Variants in EPHA6 observed in about 807,000 individuals in gnomAD.
EPHA6 encodes the protein ephrin type-A receptor 6.
In EPHA6, 50 loss-of-function variants were observed where a neutral mutation model predicts 112.0. The observed-to-expected ratio is 0.45, with a 90% CI of 0.36 to 0.56. The LOEUF (loss-of-function observed/expected upper bound fraction) is 0.56. EPHA6 is among the 20% of genes least tolerant of loss of function. The probability of loss-of-function intolerance (pLI) is 0.00; values close to 1 mark genes in which losing one functional copy is unlikely to be tolerated. For missense variants in EPHA6, 1,280 were observed against 1,417.4 expected, an observed-to-expected ratio of 0.90 and a Z score of 1.56; for synonymous variants, 529 against 490.7, an observed-to-expected ratio of 1.08 and a Z score of -1.03.
At chr3:97,267,897 C>A (rs2079741763) in intron 5 of EPHA6, among the ~76,000 whole-genome samples, 1 of 152,034 alleles carries the variant, frequency 6.6e-6, no homozygotes. Context: ...AACCTTCTAC[C>A]AGTTAGCAAT....
intron 5 of EPHA6, among the ~76,000 whole-genome samples, chr3:97,250,643 T>C (rs1434872782): frequency 1.3e-5 from 2 of 152,210 alleles, no homozygotes; most frequent in Non-Finnish European, 2.9e-5. Context: ...ACATCCTACA[T>C]AATCTATAGC....
chr3:97,091,977 CACTTGCTT>C (rs2047080449), intron 3 of EPHA6, among the ~76,000 whole-genome samples: 1 of 151,112 alleles, frequency 6.6e-6, no homozygotes, highest in Admixed American at 6.6e-5. Context: ...TGATGAGGCC[CACTTGCTT>C]TCTGATGGGT....
intron 7 of EPHA6, 143 bp from the exon 8 acceptor site, chr3:97,475,209 A>G: frequency 1.6e-6 from 1 of 613,698 alleles, no homozygotes; most frequent in Non-Finnish European, 2.8e-6. Flanking sequence ...GGTTTGCTTC[A>G]TACGTGTCAA....
intron 1 of EPHA6, among the ~76,000 whole-genome samples, chr3:96,829,179 A>G (rs1186170496): frequency 2.0e-5 from 3 of 152,158 alleles, no homozygotes; most frequent in African/African-American, 7.2e-5. Context: ...ACTTTTGCTT[A>G]AAATATATGA....
chr3:97,672,055 T>C (rs2030901513), intron 14 of EPHA6, among the ~76,000 whole-genome samples: 1 of 152,174 alleles, frequency 6.6e-6, no homozygotes, highest in African/African-American at 2.4e-5. Context: ...TACTTTGTGC[T>C]TTCCAGATGA....
intron 3 of EPHA6, among the ~76,000 whole-genome samples, chr3:97,207,848 C>T (rs930687138): frequency 6.6e-6 from 1 of 152,118 alleles, no homozygotes; most frequent in Non-Finnish European, 1.5e-5. Flanking sequence ...CTCCTGCTTG[C>T]CATGAAAATT....
chr3:96,934,166 T>G (rs544122050), intron 2 of EPHA6, among the ~76,000 whole-genome samples: 1 of 152,084 alleles, frequency 6.6e-6, no homozygotes, highest in East Asian at 1.9e-4. Context: ...TACACATACT[T>G]AAGCCACAAA....
At chr3:97,065,215 C>T (rs1311026533) in intron 3 of EPHA6, among the ~76,000 whole-genome samples, 2 of 151,970 alleles carry the variant, frequency 1.3e-5, no homozygotes, top group African/African-American at 4.8e-5. Context: ...ACAGAATTTC[C>T]CTGATCTTTA....
intron 10 of EPHA6, among the ~76,000 whole-genome samples, chr3:97,492,569 A>C (rs867264590): frequency 2.7e-4 from 28 of 104,008 alleles, no homozygotes; most frequent in African/African-American, 9.1e-4. Flanking sequence ...AAAAAAAAAA[A>C]AAAAAAAAAA....
chr3:97,371,638 A>G lies in EPHA6; in HGVS notation c.1607-33512A>G, dbSNP rs150468666. Among the ~76,000 whole-genome samples the G allele has an allele frequency of 2.6e-3, 394 of 152,298 alleles. 1 individual carries two copies. Among genetic ancestry groups the G allele is most frequent in the African/African-American group, 8.9e-3 (370 of 41,562 alleles). On this transcript the variant is annotated intron_variant, in intron 5 of 17. Transcript: ENST00000389672. ...GGGCACCTTGAAAAAAGAACAGGATAACAGCAATGTTCAAGGAACAAGGGA... is the reference window on the plus strand; with the variant it reads ...GGGCACCTTGAAAAAAGAACAGGATGACAGCAATGTTCAAGGAACAAGGGA...
intron 14 of EPHA6, among the ~76,000 whole-genome samples, chr3:97,678,732 A>G (rs989542893): frequency 6.6e-6 from 1 of 152,178 alleles, no homozygotes; most frequent in African/African-American, 2.4e-5. Flanking sequence ...ATATTTTGAT[A>G]TTGGCTATTT....
intron 5 of EPHA6, among the ~76,000 whole-genome samples, chr3:97,302,597 A>G (rs990946625): frequency 6.6e-6 from 1 of 151,694 alleles, no homozygotes; most frequent in Non-Finnish European, 1.5e-5. Context: ...GCCTTATTAC[A>G]TTAATGATAA....
chr3:97,230,533 G>GCATATA (rs2078493266), intron 4 of EPHA6, among the ~76,000 whole-genome samples: 1 of 152,034 alleles, frequency 6.6e-6, no homozygotes, highest in South Asian at 2.1e-4. Context: ...GTCATGGCTG[G>GCATATA]GCAGAATTTT....
At chr3:97,244,483 A>T (rs2078931898) in intron 5 of EPHA6, 196 bp downstream of exon 5, 1 of 565,820 alleles carries the variant, frequency 1.8e-6, no homozygotes, top group Non-Finnish European at 3.1e-6. Flanking sequence ...CAGCAGTATG[A>T]ATAATAAGAT....
At position 96,954,895 on chromosome 3, in the gene EPHA6, G is replaced by A. The variant is rs140712953; in HGVS notation, c.451-32435G>A. ...TGCAAGCTCCGCTTCCCGGGTTCAC[G>A]CCATTCTCCTGCCTCAGCCTCCCGA... On this transcript the variant is annotated intron_variant, in intron 2 of 17. Transcript: ENST00000389672. Among the ~76,000 whole-genome samples, 306 of 140,224 alleles carry A rather than the reference G, an allele frequency of 2.2e-3. 9 individuals carry two copies. In the East Asian group the frequency reaches 0.047, roughly 22 times the overall value. The allele number at this position is 140,224 out of a possible 152,430, so 92.0% of individuals were successfully genotyped here. A position where few individuals can be genotyped will look rare whatever the true frequency, so the allele number is the denominator to read the frequency against.
chr3:97,730,952 G>A (rs1272736663), intron 15 of EPHA6, among the ~76,000 whole-genome samples: 1 of 152,090 alleles, frequency 6.6e-6, no homozygotes, highest in Non-Finnish European at 1.5e-5. Context: ...AGGACTGAGA[G>A]CCAGGCACAT....
At chr3:97,201,696 G>C (rs2077582094) in intron 3 of EPHA6, among the ~76,000 whole-genome samples, 1 of 152,034 alleles carries the variant, frequency 6.6e-6, no homozygotes, top group South Asian at 2.1e-4. Flanking sequence ...TAATTGCAGT[G>C]CTTGTATCTT....
chr3:96,828,979 G>T (rs2033841579), intron 1 of EPHA6, among the ~76,000 whole-genome samples: 1 of 152,108 alleles, frequency 6.6e-6, no homozygotes, highest in African/African-American at 2.4e-5. Flanking sequence ...CAAAGTTGGG[G>T]TGCCTAGGGT....
At chr3:97,600,115 T>A (rs1488437082) in intron 12 of EPHA6, among the ~76,000 whole-genome samples, 5 of 150,456 alleles carry the variant, frequency 3.3e-5, no homozygotes, top group African/African-American at 1.2e-4. Flanking sequence ...TACATTGATT[T>A]TGTATCCTGA....
Sources: gnomAD v4.1 joint callset for allele counts (sites outside exome capture counted in the v4.1 genomes callset) on GRCh38, gnomAD v4.1.1 for gene constraint, MANE v1.5 for transcripts, NCBI Gene and HGNC (gene_info 2026-07-23, HGNC 2026-07-21) for gene names.